Variants in UBR4 observed in about 807,000 individuals in gnomAD.
UBR4 encodes the protein ubiquitin protein ligase E3 component n-recognin 4, also known as E3 ubiquitin-protein ligase UBR4.
Under a neutral mutation model 575.6 loss-of-function variants are expected in UBR4, and 124 were observed. The observed-to-expected ratio is 0.22, with a 90% CI of 0.19 to 0.25. The LOEUF (loss-of-function observed/expected upper bound fraction) is 0.25, where lower values mean the gene tolerates loss of function less well. Ranked by LOEUF, UBR4 falls within the 10% of genes least tolerant of loss-of-function variation. The pLI, the probability that UBR4 is intolerant of heterozygous loss-of-function variation, is 1.00. For missense variants in UBR4, 4,818 were observed against 6,478.8 expected (o/e 0.74, Z 8.80); for synonymous variants, 2,455 against 2,473.7 (o/e 0.99, Z 0.22).
Position 19,185,233 on chromosome 1 carries a change from T to C in UBR4, c.1804A>G (p.Ser602Gly). The stretch of plus-strand genomic sequence containing the variant: ...GGCGGAGGTGCTGCTTTCTCTTTAC[T>C]GGGAGAAATAGTCTCCTCAAACCAT... ...GQWFEETISP[S>G]KEKAAPPPPP... The change falls in exon 15 of 106, where the codon AGT (serine) becomes GGT (glycine). Residue 602 changes from serine (S) to glycine (G), a missense_variant. Coordinates refer to ENST00000375254, the MANE Select transcript of UBR4 (RefSeq NM_020765.3). The C allele has an allele frequency of 1.2e-6, 2 of 1,612,332 alleles. No individual in the cohort carries two copies. The highest frequency in any genetic ancestry group is 8.5e-7 in the Non-Finnish European group (1 of 1,179,244).
At position 19,104,065 on chromosome 1, in the gene UBR4, G is replaced by C; in HGVS notation, c.12901+19C>G. On this transcript the variant is annotated intron_variant, in intron 87 of 105. Coordinates refer to ENST00000375254, the MANE Select transcript of UBR4 (RefSeq NM_020765.3). ...AGAAGGGACAGTGCCTTAGGCTCCA[G>C]GCCACTGGGCAGTGCTACCTGTGGT... 1 of 1,613,106 alleles carries C rather than the reference G, an allele frequency of 6.2e-7. No individual in the cohort carries two copies. Among genetic ancestry groups the C allele is most frequent in the Non-Finnish European group, 8.5e-7 (1 of 1,179,444 alleles).
chr1:19,202,388 T>C (rs540689871), intron 1 of UBR4, among the ~76,000 whole-genome samples: 7 of 152,344 alleles, frequency 4.6e-5, no homozygotes, highest in African/African-American at 1.4e-4. Context: ...CAACAGCTAA[T>C]ATGCCTTCAT....
chr1:19,169,387 G>A (rs1259238043), intron 27 of UBR4, 48 bp downstream of exon 27: 9 of 1,521,936 alleles, frequency 5.9e-6, no homozygotes, highest in South Asian at 1.2e-5. Context: ...ACAAAAGACA[G>A]AATGGCTAGC....
At chr1:19,169,952 G>A (rs1357004195) in intron 26 of UBR4, among the ~76,000 whole-genome samples, 2 of 152,134 alleles carry the variant, frequency 1.3e-5, no homozygotes, top group Non-Finnish European at 2.9e-5. Flanking sequence ...ATTAAGAACA[G>A]CATTCAATGA....
At position 19,152,290 on chromosome 1, in the gene UBR4, T is replaced by C. The variant is rs755110670; in HGVS notation, c.6996+23A>G. The C allele has an allele frequency of 8.7e-6, 14 of 1,613,140 alleles. No individual in the cohort carries two copies. In the African/African-American group the frequency reaches 1.6e-4, roughly 18 times the overall value. ...TTGAGTCCTTCTACCCAGGGATTGA[T>C]CCCAGCCCAGTGCCATTCTTACCTT... is the stretch of plus-strand genomic sequence containing the variant. On this transcript the variant is annotated intron_variant, in intron 47 of 105. Coordinates refer to ENST00000375254, the MANE Select transcript of UBR4 (RefSeq NM_020765.3). The surrounding 1 kb of genome is among the most constrained non-coding windows in gnomAD (Gnocchi z 4.4).
chr1:19,150,816 T>C (rs1334381021), intron 48 of UBR4, 23 bp from the exon 49 acceptor site: 1 of 1,610,914 alleles, frequency 6.2e-7, no homozygotes. Context: ...AGAGAGGCCT[T>C]TAGGAAGCAC....
chr1:19,094,033 C>G lies in UBR4; in HGVS notation c.13853G>C (p.Arg4618Pro). 1 of 1,614,038 alleles carries G rather than the reference C, an allele frequency of 6.2e-7. No homozygotes were observed. Among genetic ancestry groups the G allele is most frequent in the Non-Finnish European group, 8.5e-7 (1 of 1,180,006 alleles). ...SNPSVLQGLL[R>P]IIPYLSFGEV... The stretch of plus-strand genomic sequence containing the variant: ...TCCAAAGGAAAGGTACGGGATGATG[C>G]GAAGCAGGCCCTGGAGCACACTGGG... Residue 4618 changes from arginine to proline, a missense_variant, in exon 95 of 106, where the codon CGC becomes CCC. Around this residue, in one of 29 missense-constraint regions of UBR4, gnomAD observed 165 missense variants for 282.3 expected, o/e 0.58. Coordinates refer to ENST00000375254, the MANE Select transcript of UBR4 (RefSeq NM_020765.3).
chr1:19,122,862 C>T lies in UBR4; in HGVS notation c.9787G>A (p.Ala3263Thr). The T allele has an allele frequency of 4.3e-6, 7 of 1,614,218 alleles. No individual in the cohort carries two copies. Among genetic ancestry groups the T allele is most frequent in the South Asian group, 1.1e-5 (1 of 91,080 alleles). ...ASVVTASSGS[A>T]LQYDTLISLM... The stretch of plus-strand genomic sequence containing the variant: ...CTGATGAGTGTGTCATATTGCAAGG[C>T]GGAGCCTGAGCTGGCTGTAACCACA... Residue 3263 changes from alanine (A) to threonine (T), a missense_variant, in exon 66 of 106, where the codon GCC becomes ACC. Ala to Thr is a moderately conservative substitution (Grantham distance 58, BLOSUM62 0). Around this residue, in one of 29 missense-constraint regions of UBR4, gnomAD observed 550 missense variants for 791.5 expected, o/e 0.69. Coordinates refer to ENST00000375254, the MANE Select transcript of UBR4 (RefSeq NM_020765.3).
In UBR4 at chr1:19,150,678, G is replaced by A. The variant is rs1222344582; in HGVS notation, c.7329C>T (p.Ala2443=). 1 of 1,614,122 alleles carries A rather than the reference G, an allele frequency of 6.2e-7. No homozygotes were observed. Among genetic ancestry groups the A allele is most frequent in the Non-Finnish European group, 8.5e-7 (1 of 1,180,016 alleles). The change falls in exon 49 of 106, where the codon GCC becomes GCT. Residue 2443 remains alanine, a synonymous_variant. Coordinates refer to ENST00000375254, the MANE Select transcript of UBR4 (RefSeq NM_020765.3). ...PDEPPEEFPS[A]SVSNICPSNL... is the part of the protein sequence containing the mutation. ...TTGAAGGGCAGATGTTGCTGACAGA[G>A]GCAGAAGGGAATTCTTCTGGGGGCT...
In UBR4 at chr1:19,177,589, T is replaced by A; in HGVS notation, c.2509A>T (p.Ile837Phe). Residue 837 changes from isoleucine to phenylalanine, a missense_variant, in exon 19 of 106, where the codon ATC (isoleucine) becomes TTC (phenylalanine). Physicochemically the swap from Ile to Phe is conservative, Grantham distance 21 (BLOSUM62 0). This residue lies in a region of UBR4 where 1,172 missense variants were observed against 1,259.7 expected (regional missense o/e 0.93). Coordinates refer to ENST00000375254, the MANE Select transcript of UBR4 (RefSeq NM_020765.3). ...TCCATGTTGACGCTCAACTCCTGGA[T>A]GATCTGGACAAAAAGCGACAATATG... is the stretch of plus-strand genomic sequence containing the variant. ...RAILSLFVQI[I>F]QELSVNMDAQ... is the part of the protein sequence containing the mutation. 2 of 1,613,702 alleles carry A rather than the reference T, an allele frequency of 1.2e-6. No homozygotes were observed. Among genetic ancestry groups the A allele is most frequent in the Non-Finnish European group, 1.7e-6 (2 of 1,179,966 alleles).
At position 19,173,476 on chromosome 1, in the gene UBR4, G is replaced by A; in HGVS notation, c.3128C>T (p.Ser1043Phe). 2 of 1,614,138 alleles carry A rather than the reference G, an allele frequency of 1.2e-6. No individual in the cohort carries two copies. The change falls in exon 23 of 106, where the codon TCT (serine) becomes TTT (phenylalanine). Residue 1043 changes from serine to phenylalanine, a missense_variant. By Grantham distance (155) the Ser-to-Phe change is radical. Coordinates refer to ENST00000375254, the MANE Select transcript of UBR4 (RefSeq NM_020765.3). ...GACATAGGAGCTGATCCGGAGCCGA[G>A]AAGACCATCGCAGAGTGTGCAAGAT... ...CDILHTLRWSSRLRISSYVNW... is the reference protein window; with the variant it reads ...CDILHTLRWSFRLRISSYVNW...
At position 19,106,462 on chromosome 1, in the gene UBR4, AG is replaced by A. The variant is rs1333376150; in HGVS notation, c.12393+106del. 5.1e-6 allele frequency: 7 copies of A among 1,371,680 alleles called. No individual in the cohort carries two copies. In the East Asian group the frequency reaches 1.7e-4, roughly 33 times the overall value. 85.0% of individuals were successfully genotyped at this position (1,371,680 alleles called of 1,614,324 possible). On this transcript the variant is annotated intron_variant, in intron 83 of 105. Transcript: ENST00000375254. Reference sequence around the variant, plus strand: ...TTGAAAGGAAGCAAGAAGAGCAAAGAGAAAGAAGAGATGGCAGTGCAGACAC... The same window carrying A: ...TTGAAAGGAAGCAAGAAGAGCAAAGAAAAGAAGAGATGGCAGTGCAGACAC...
At chr1:19,134,330 G>C (rs1353558344) in intron 60 of UBR4, among the ~76,000 whole-genome samples, 2 of 152,132 alleles carry the variant, frequency 1.3e-5, no homozygotes, top group Non-Finnish European at 2.9e-5. Context: ...AGAAGGCTGA[G>C]GCAAGAGGAG....
In UBR4 at chr1:19,129,082, G is replaced by C. The variant is rs1371884435; in HGVS notation, c.8907-8C>G. 4 of 1,612,962 alleles carry C rather than the reference G, an allele frequency of 2.5e-6. No individual in the cohort carries two copies. The highest frequency in any genetic ancestry group is 3.4e-6 in the Non-Finnish European group (4 of 1,179,130). ...AGACGGACCATGTGCAGCCTAAAAG[G>C]GTGGGGAAAAGATAGAAAATATGAG... On this transcript the variant is annotated splice_polypyrimidine_tract_variant and splice_region_variant and intron_variant, in intron 60 of 105. Transcript: ENST00000375254.
At chr1:19,127,522 G>T in intron 63 of UBR4, 101 bp downstream of exon 63, 2 of 878,502 alleles carry the variant, frequency 2.3e-6, no homozygotes, top group Non-Finnish European at 3.7e-6. Context: ...GGGAACAATG[G>T]CTTTATTCTT....
chr1:19,104,748 A>G, intron 85 of UBR4, 82 bp from the exon 86 acceptor site: 1 of 1,402,468 alleles, frequency 7.1e-7, no homozygotes. Context: ...AGGAGCTTGC[A>G]GCACCAGACA....
intron 1 of UBR4, among the ~76,000 whole-genome samples, chr1:19,207,718 C>CT: frequency 6.6e-6 from 1 of 151,982 alleles, no homozygotes; most frequent in East Asian, 1.9e-4. Flanking sequence ...GGTTGGCAAA[C>CT]TATGGCCTGC....
At chr1:19,199,018 G>C (rs2092614008) in intron 3 of UBR4, 90 bp from the exon 4 acceptor site, 2 of 1,495,900 alleles carry the variant, frequency 1.3e-6, no homozygotes, top group Non-Finnish European at 9.0e-7. Flanking sequence ...AACTGGCACA[G>C]GGCCAAATTT....
chr1:19,141,311 C>T (rs775482333), intron 57 of UBR4, 36 bp downstream of exon 57: 8 of 1,613,782 alleles, frequency 5.0e-6, no homozygotes, highest in Middle Eastern at 1.7e-4. Flanking sequence ...CTGTGCAAGG[C>T]CAATGGGCCG....
Sources: gnomAD v4.1 joint callset for allele counts (sites outside exome capture counted in the v4.1 genomes callset) on GRCh38, gnomAD v4.1.1 for gene constraint, gnomAD v4.1.1 regional missense constraint, Gnocchi (gnomAD v3.1) non-coding constraint, MANE v1.5 for transcripts, NCBI Gene and HGNC (gene_info 2026-07-23, HGNC 2026-07-21) for gene names.